Variants in RYR1 observed in about 807,000 individuals in gnomAD.
RYR1 encodes central core disease of muscle.
In RYR1, 342 loss-of-function variants were observed where a neutral mutation model predicts 583.5. The observed-to-expected ratio is 0.59, with a 90% CI of 0.54 to 0.64. The LOEUF (loss-of-function observed/expected upper bound fraction) is 0.64. Among genes scored for constraint, RYR1 ranks in the 30% least tolerant of loss-of-function variants. The probability of loss-of-function intolerance (pLI) is 0.00; values close to 1 mark genes in which losing one functional copy is unlikely to be tolerated. For synonymous variants in RYR1, 2,791 were observed against 2,822.5 expected (o/e 0.99, Z 0.35); for missense variants, 6,032 against 6,917.2 (o/e 0.87, Z 4.54).
chr19:38,504,879 C>T lies in RYR1; in HGVS notation c.8199C>T (p.Gly2733=), dbSNP rs1438545321. 1 of 1,614,156 alleles carries T rather than the reference C, an allele frequency of 6.2e-7. No homozygotes were observed. Among genetic ancestry groups the T allele is most frequent in the African/African-American group, 1.3e-5 (1 of 75,026 alleles). Residue 2733 remains glycine, a synonymous_variant, in exon 51 of 106, where the codon GGC becomes GGT. Coordinates refer to ENST00000359596, the MANE Select transcript of RYR1 (RefSeq NM_000540.3). ...AAAAGGCCACAGTGGATGCTGAAGG[C>T]AACTTTGATCCCCGGCCTGTGGAGA... ...AEKKATVDAE[G]NFDPRPVETL...
rs141317474 is a variant in RYR1 at position 38,477,859 on chromosome 19, C to T, written c.4443C>T (p.Asn1481=). The T allele has an allele frequency of 3.4e-3, 5,098 of 1,507,230 alleles. 26 individuals are homozygous for T. Among genetic ancestry groups the T allele is most frequent in the South Asian group, 0.011 (976 of 89,552 alleles). The allele number at this position is 1,507,230 out of a possible 1,614,324, so 93.4% of individuals were successfully genotyped here. A position where few individuals can be genotyped will look rare whatever the true frequency, so the allele number is the denominator to read the frequency against. Residue 1481 remains asparagine (N), a synonymous_variant, in exon 30 of 106, where the codon AAC becomes AAT. Coordinates refer to ENST00000359596, the MANE Select transcript of RYR1 (RefSeq NM_000540.3). ...TGACCATGGGGGATGAACAAGGCAA[C>T]GTCCACAGCAGGTGCCGGGGCTGGG... is the stretch of plus-strand genomic sequence containing the variant. ...VTVTMGDEQG[N]VHSSLKCSNC... is the part of the protein sequence containing the mutation.
At chr19:38,525,827 G>A (rs567838953) in intron 71 of RYR1, among the ~76,000 whole-genome samples, 58 of 150,696 alleles carry the variant, frequency 3.8e-4, no homozygotes, top group African/African-American at 1.3e-3. Context: ...CAAACCTGCT[G>A]AGACCCTGAG....
intron 89 of RYR1, among the ~76,000 whole-genome samples, chr19:38,552,665 G>A (rs554687337): frequency 1.3e-5 from 2 of 152,196 alleles, no homozygotes; most frequent in Admixed American, 6.6e-5. Flanking sequence ...TTAGACCTCA[G>A]GCGGTCTGGC....
intron 66 of RYR1, among the ~76,000 whole-genome samples, chr19:38,518,576 C>A (rs1487525843): frequency 6.6e-6 from 1 of 151,976 alleles, no homozygotes; most frequent in Non-Finnish European, 1.5e-5. Context: ...TGAGGTAAGA[C>A]TCTGGGTATG....
At chr19:38,563,655 G>T (rs1973256276) in intron 90 of RYR1, among the ~76,000 whole-genome samples, 1 of 152,170 alleles carries the variant, frequency 6.6e-6, no homozygotes, top group Non-Finnish European at 1.5e-5. Context: ...CTATAATGTA[G>T]GTCCTATTAT....
chr19:38,501,986 A>AG (rs1431713463), intron 47 of RYR1, among the ~76,000 whole-genome samples: 1 of 125,914 alleles, frequency 7.9e-6, no homozygotes, highest in Non-Finnish European at 1.6e-5. Context: ...ACCTTATCTC[A>AG]GAAAAAAAAA....
chr19:38,572,815 A>T (rs1973780987), intron 95 of RYR1, among the ~76,000 whole-genome samples: 1 of 128,348 alleles, frequency 7.8e-6, no homozygotes, highest in African/African-American at 3.1e-5. Context: ...CCCAGCCCTG[A>T]CACCCCTGCC....
intron 27 of RYR1, 79 bp downstream of exon 27, chr19:38,469,592 C>G: frequency 1.4e-6 from 2 of 1,407,936 alleles, no homozygotes; most frequent in Non-Finnish European, 1.0e-6. Context: ...TTGAGTTTCT[C>G]TTTTCCCTCC....
At chr19:38,570,527 T>A (rs1158874240) in intron 93 of RYR1, 80 bp from the exon 94 acceptor site, 2 of 969,050 alleles carry the variant, frequency 2.1e-6, no homozygotes, top group Non-Finnish European at 3.4e-6. Context: ...GTACTTTGAT[T>A]GCAGGTAAAT....
At chr19:38,542,961 C>T (rs1351455171) in intron 84 of RYR1, among the ~76,000 whole-genome samples, 1 of 152,014 alleles carries the variant, frequency 6.6e-6, no homozygotes, top group African/African-American at 2.4e-5. Flanking sequence ...CCTGCCTCAG[C>T]CTCCCAAGTA....
In RYR1 at chr19:38,511,259, G is replaced by C. The variant is rs79974109; in HGVS notation, c.9123-302G>C. On this transcript the variant is annotated intron_variant, in intron 60 of 105. Transcript: ENST00000359596. ...TGCAGGGAGCTGGGATCGTGCCACTGTACTCCAGCCTGGGTGACAGAGCAA... is the reference window on the plus strand; with the variant it reads ...TGCAGGGAGCTGGGATCGTGCCACTCTACTCCAGCCTGGGTGACAGAGCAA... Among the ~76,000 whole-genome samples, 8,872 of 152,082 alleles carry C rather than the reference G, an allele frequency of 0.058. 322 individuals carry two copies. The highest frequency in any genetic ancestry group is 0.14 in the East Asian group (721 of 5,172).
At position 38,532,339 on chromosome 19, in the gene RYR1, T is replaced by A. The variant is rs148324473; in HGVS notation, c.11142-151T>A. The A allele has an allele frequency of 5.0e-3, 3,851 of 776,178 alleles. 74 individuals carry two copies. Among genetic ancestry groups the A allele is most frequent in the Admixed American group, 0.04 (1,931 of 47,730 alleles). The allele number at this position is 776,178 out of a possible 1,614,324, so 48.1% of individuals were successfully genotyped here. On this transcript the variant is annotated intron_variant, in intron 76 of 105. Transcript: ENST00000359596. ...GGTTTCACCATGTTGGCTAGGTTGG[T>A]TTCAGACTCCTGATCTCAAGTGATC...
chr19:38,580,899 ATTT>A (rs74176451), intron 101 of RYR1, among the ~76,000 whole-genome samples: 6 of 132,770 alleles, frequency 4.5e-5, no homozygotes, highest in Admixed American at 1.6e-4. Flanking sequence ...TGCCAGGCAC[ATTT>A]TTTTTTTTTT....
chr19:38,525,215 T>C (rs1971412786), intron 70 of RYR1, 117 bp from the exon 71 acceptor site: 3 of 1,189,326 alleles, frequency 2.5e-6, no homozygotes, highest in South Asian at 2.5e-5. Flanking sequence ...TCGTCGGCAG[T>C]TGGGGAGGGA....
rs755434709 is a variant in RYR1 at position 38,500,614 on chromosome 19, A to G, written c.7332A>G (p.Gln2444=). Residue 2444 remains glutamine, a synonymous_variant, in exon 46 of 106, where the codon CAA becomes CAG. Transcript: ENST00000359596. The surrounding 1 kb of genome is among the most constrained non-coding windows in gnomAD (Gnocchi z 5.9). ...CTCCCTCTACTCCCCAGCTAATCCA[A>G]GCCGGCAAGGGTGAGGCCCTGCGGA... ...GRCAPEMHLI[Q]AGKGEALRIR... The G allele has an allele frequency of 2.5e-6, 4 of 1,612,690 alleles. No homozygotes were observed. The highest frequency in any genetic ancestry group is 2.2e-5 in the East Asian group (1 of 44,894).
Position 38,512,424 on chromosome 19 carries a change from C to T in RYR1, c.9413C>T (p.Pro3138Leu), listed in dbSNP as rs762652935. The change falls in exon 63 of 106, where the codon CCG becomes CTG. Residue 3138 changes from proline (P) to leucine (L), a missense_variant. Pro to Leu is a moderately conservative substitution (Grantham distance 98). Transcript: ENST00000359596. This position sits in a 1 kb window ranked among gnomAD's most constrained non-coding sequence, Gnocchi z 5.1. The part of the protein sequence containing the change: ...NLTYTTVALL[P>L]VLTTLFQHIA... ...ACCTACACCACTGTGGCACTGCTGC[C>T]GGTCCTCACCACCCTCTTCCAGCAC... The T allele has an allele frequency of 5.0e-6, 8 of 1,613,672 alleles. No individual in the cohort carries two copies. The Admixed American group carries it at 1.0e-4, about 20-fold the overall frequency.
Position 38,527,813 on chromosome 19 carries a change from T to A in RYR1, c.10824+29T>A, listed in dbSNP as rs748055880. ...GGTGGGGCCGGAGGGGTCTTTCTAC[T>A]GGGTCTCTGGGCGGAGCCTGGCGGG... On this transcript the variant is annotated intron_variant, in intron 73 of 105. Transcript: ENST00000359596. 2 of 1,606,478 alleles carry A rather than the reference T, an allele frequency of 1.2e-6. 1 individual carries two copies. The highest frequency in any genetic ancestry group is 2.2e-5 in the South Asian group (2 of 90,936).
In RYR1 at chr19:38,452,998, G is replaced by A. The variant is rs1428827338; in HGVS notation, c.1424G>A (p.Ser475Asn). Reference protein sequence around the residue: ...SKLRSLRNRQSLFQEEGMLSM... With the variant: ...SKLRSLRNRQNLFQEEGMLSM... ...CTGCGAAGCCTGCGCAACCGCCAGA[G>A]CCTCTTCCAGGAGGAGGTGAGGACG... The change falls in exon 13 of 106, where the codon AGC (serine) becomes AAC (asparagine). Residue 475 changes from serine (S) to asparagine (N), a missense_variant. Physicochemically the swap from Ser to Asn is conservative, Grantham distance 46. Transcript: ENST00000359596. 3.1e-6 allele frequency: 5 copies of A among 1,613,704 alleles called. No individual in the cohort carries two copies. The highest frequency in any genetic ancestry group is 4.2e-6 in the Non-Finnish European group (5 of 1,179,786).
At chr19:38,484,067 C>T (rs1276390542) in intron 33 of RYR1, among the ~76,000 whole-genome samples, 3 of 152,102 alleles carry the variant, frequency 2.0e-5, no homozygotes, top group Non-Finnish European at 4.4e-5. Flanking sequence ...TGCCTCACAC[C>T]TGTAATCCCA....
Sources: gnomAD v4.1 joint callset for allele counts (sites outside exome capture counted in the v4.1 genomes callset) on GRCh38, gnomAD v4.1.1 for gene constraint, Gnocchi (gnomAD v3.1) non-coding constraint, MANE v1.5 for transcripts, NCBI Gene and HGNC (gene_info 2026-07-23, HGNC 2026-07-21) for gene names.